ACO2: variants seen among roughly 807,000 people sequenced by gnomAD.
The protein encoded by ACO2 is aconitate hydratase, mitochondrial.
ACO2 carries 31 observed loss-of-function variants against 84.5 expected under a neutral mutation model. The observed-to-expected ratio is 0.37, with a 90% CI of 0.28 to 0.50. The LOEUF is 0.50. Ranked by LOEUF, ACO2 falls within the 20% of genes least tolerant of loss-of-function variation. The pLI is 0.97. For missense variants in ACO2, 685 were observed against 1,029.3 expected, an observed-to-expected ratio of 0.67 and a Z score of 4.58; for synonymous variants, 414 against 412.7, an observed-to-expected ratio of 1.00 and a Z score of -0.04.
chr22:41,495,373 G>A (rs1197478454), intron 1 of ACO2, among the ~76,000 whole-genome samples: 1 of 152,018 alleles, frequency 6.6e-6, no homozygotes, highest in Non-Finnish European at 1.5e-5. Flanking sequence ...GGCCGGGTTG[G>A]TCTTGAATTC....
intron 12 of ACO2, 36 bp downstream of exon 12, chr22:41,523,977 C>A: frequency 6.3e-7 from 1 of 1,587,384 alleles, no homozygotes; most frequent in Non-Finnish European, 8.6e-7. Context: ...CCTGGGATGG[C>A]CTCTGGGGGT....
In ACO2 at chr22:41,515,462, T is replaced by C; in HGVS notation, c.611T>C (p.Ile204Thr). The C allele has an allele frequency of 1.9e-6, 3 of 1,614,018 alleles. No individual in the cohort carries two copies. The highest frequency in any genetic ancestry group is 2.5e-6 in the Non-Finnish European group (3 of 1,180,000). ...HTPNGGGLGG[I>T]CIGVGGADAV... is the part of the protein sequence containing the mutation. ...CCCAATGGTGGCGGCCTTGGGGGCA[T>C]CTGCATTGGAGTTGGGGGTGCCGAT... is the stretch of plus-strand genomic sequence containing the variant. Residue 204 changes from isoleucine (I) to threonine (T), a missense_variant, in exon 5 of 18, where the codon ATC (isoleucine) becomes ACC (threonine). Physicochemically the swap from Ile to Thr is moderately conservative, Grantham distance 89 (BLOSUM62 -1). This residue lies in a region of ACO2 where 92 missense variants were observed against 203.7 expected (regional missense o/e 0.45). Coordinates refer to ENST00000216254, the MANE Select transcript of ACO2 (RefSeq NM_001098.3). This position sits in a 1 kb window ranked among gnomAD's most constrained non-coding sequence, Gnocchi z 5.8.
intron 3 of ACO2, among the ~76,000 whole-genome samples, chr22:41,510,952 C>T (rs1175632007): frequency 6.6e-6 from 1 of 152,206 alleles, no homozygotes. Flanking sequence ...GGGGCTCTCT[C>T]AGGTGTCGTC....
chr22:41,485,877 G>A (rs757539008), intron 1 of ACO2, among the ~76,000 whole-genome samples: 4 of 152,106 alleles, frequency 2.6e-5, no homozygotes, highest in African/African-American at 4.8e-5. Flanking sequence ...TCGAGCCACC[G>A]TGCCTGGCCT....
intron 1 of ACO2, among the ~76,000 whole-genome samples, chr22:41,496,441 C>G (rs1395471919): frequency 6.6e-6 from 1 of 152,126 alleles, no homozygotes. Flanking sequence ...TGGAAACGTA[C>G]TCAGTACTTT....
intron 1 of ACO2, among the ~76,000 whole-genome samples, chr22:41,490,478 A>T (rs1403831537): frequency 6.6e-6 from 1 of 152,226 alleles, no homozygotes; most frequent in Non-Finnish European, 1.5e-5. Context: ...TCCATGGTGC[A>T]TGAGCCAGAA....
intron 2 of ACO2, among the ~76,000 whole-genome samples, chr22:41,500,963 C>T (rs950367573): frequency 1.4e-4 from 22 of 152,092 alleles, no homozygotes; most frequent in Non-Finnish European, 2.6e-4. Flanking sequence ...CTCAGCTTCC[C>T]AAAGTGCTGG....
At chr22:41,516,225 A>G (rs1391833420) in intron 6 of ACO2, 1 of 593,222 alleles carries the variant, frequency 1.7e-6, no homozygotes, top group Non-Finnish European at 3.0e-6. Flanking sequence ...GCACTAGGCC[A>G]CCTTGGGTGA....
intron 2 of ACO2, 23 bp from the exon 3 acceptor site, chr22:41,507,768 C>T: frequency 6.2e-7 from 1 of 1,603,380 alleles, no homozygotes; most frequent in South Asian, 1.1e-5. Flanking sequence ...CACCAGGCCA[C>T]CCTTCTGCTC....
Position 41,528,494 on chromosome 22 carries a change from A to G in ACO2, c.2224A>G (p.Ile742Val), listed in dbSNP as rs749666828. 27 of 1,612,172 alleles carry G rather than the reference A, an allele frequency of 1.7e-5. No homozygotes were observed. In the South Asian group the frequency reaches 2.7e-4, roughly 16 times the overall value. ...CTCCTTGCAGCCCCTGAAGTGCATC[A>G]TCAAGCACCCCAACGGGACCCAGGA... ...FTPGKPLKCIIKHPNGTQETI... is the reference protein window; with the variant it reads ...FTPGKPLKCIVKHPNGTQETI... The change falls in exon 18 of 18, where the codon ATC becomes GTC. Residue 742 changes from isoleucine to valine, a missense_variant. Transcript: ENST00000216254.
intron 8 of ACO2, 75 bp from the exon 9 acceptor site, chr22:41,520,096 C>A: frequency 7.7e-7 from 1 of 1,293,764 alleles, no homozygotes; most frequent in Admixed American, 1.9e-5. Flanking sequence ...CGTGGTGAGG[C>A]AGTGAAAGAG....
intron 12 of ACO2, among the ~76,000 whole-genome samples, chr22:41,524,191 C>T (rs1451361009): frequency 2.0e-5 from 3 of 152,212 alleles, no homozygotes; most frequent in Non-Finnish European, 4.4e-5. Flanking sequence ...CTGCCTAGGA[C>T]ACATCCCAGC....
Position 41,507,648 on chromosome 22 carries a change from C to T in ACO2, c.174-143C>T. 3.4e-6 allele frequency: 4 copies of T among 1,184,246 alleles called. No homozygotes were observed. In the South Asian group the frequency reaches 6.3e-5, roughly 19 times the overall value. The allele number at this position is 1,184,246 out of a possible 1,614,324, so 73.4% of individuals were successfully genotyped here. ...GTGAACAGGACCCAGCAGTCCCCAC[C>T]CAAGTGGAACGTTGAGGTCCTGAGT... On this transcript the variant is annotated intron_variant, in intron 2 of 17. Coordinates refer to ENST00000216254, the MANE Select transcript of ACO2 (RefSeq NM_001098.3).
rs748598283 is a variant in ACO2, at chr22:41,525,179, A to G, written c.1606-14A>G. On this transcript the variant is annotated splice_polypyrimidine_tract_variant and intron_variant, in intron 13 of 17. Transcript: ENST00000216254. ...AGGACTCAGCACCCCACGCATCCCC[A>G]TTCCCTGCTGCAGGAGTTTGACCCA... The G allele has an allele frequency of 1.2e-6, 2 of 1,612,850 alleles. No individual in the cohort carries two copies. The highest frequency in any genetic ancestry group is 8.5e-7 in the Non-Finnish European group (1 of 1,179,166).
chr22:41,521,687 TTGG>T (rs1200854849), intron 9 of ACO2: 2 of 152,174 alleles, frequency 1.3e-5, no homozygotes, highest in Non-Finnish European at 2.9e-5. Context: ...AAAAAAATAT[TTGG>T]TGGTTTAATA....
chr22:41,507,549 A>G (rs749984884), intron 2 of ACO2, among the ~76,000 whole-genome samples: 16 of 152,224 alleles, frequency 1.1e-4, no homozygotes, highest in Non-Finnish European at 1.8e-4. Context: ...TGATGTTGTC[A>G]TTCACTTACT....
chr22:41,473,397 G>A (rs1216608624), intron 1 of ACO2, among the ~76,000 whole-genome samples: 3 of 152,152 alleles, frequency 2.0e-5, no homozygotes, highest in Non-Finnish European at 2.9e-5. Context: ...CCAGCCACTC[G>A]GGAGGCTGAG....
At chr22:41,511,734 A>G (rs945574971) in intron 3 of ACO2, 142 bp from the exon 4 acceptor site, 1 of 579,016 alleles carries the variant, frequency 1.7e-6, no homozygotes, top group African/African-American at 2.0e-5. Flanking sequence ...AATTATTTTT[A>G]GAAGGTCTCT....
rs760772363 is a variant in ACO2, at chr22:41,517,622, G to T, written c.931G>T (p.Gly311Cys). Residue 311 changes from glycine (G) to cysteine (C), a missense_variant, in exon 7 of 18, where the codon GGC becomes TGC. Around this residue, in one of 5 missense-constraint regions of ACO2, gnomAD observed 311 missense variants for 441.6 expected, o/e 0.70. Transcript: ENST00000216254. The part of the protein sequence containing the change: ...HRMKKYLSKT[G>C]REDIANLADE... ...GATGAAGAAGTACCTGAGCAAGACCGGCCGGGAAGGTGAGCTGGCAGGGGC... is the reference window on the plus strand; with the variant it reads ...GATGAAGAAGTACCTGAGCAAGACCTGCCGGGAAGGTGAGCTGGCAGGGGC... 6.2e-7 allele frequency: 1 copy of T among 1,613,884 alleles called. No individual in the cohort carries two copies. The highest frequency in any genetic ancestry group is 1.1e-5 in the South Asian group (1 of 91,078).
Sources: gnomAD v4.1 joint callset for allele counts (sites outside exome capture counted in the v4.1 genomes callset) on GRCh38, gnomAD v4.1.1 for gene constraint, gnomAD v4.1.1 regional missense constraint, Gnocchi (gnomAD v3.1) non-coding constraint, MANE v1.5 for transcripts, NCBI Gene and HGNC (gene_info 2026-07-23, HGNC 2026-07-21) for gene names.